The following NBAS variants were observed in gnomAD, a reference collection of about 807,000 sequenced individuals.
NBAS encodes NAG/BC035112 fusion.
A neutral mutation model predicts 302.5 loss-of-function variants in NBAS; 219 were observed. The observed-to-expected ratio is 0.72, with a 90% CI of 0.65 to 0.81. The LOEUF (loss-of-function observed/expected upper bound fraction) is 0.81. NBAS is among the 30% of genes least tolerant of loss of function. The probability of loss-of-function intolerance (pLI) is 0.00; values close to 1 mark genes in which losing one functional copy is unlikely to be tolerated. For synonymous variants in NBAS, 1,118 were observed against 1,021.6 expected, an observed-to-expected ratio of 1.09 and a Z score of -1.80; for missense variants, 2,932 against 2,841.6, an observed-to-expected ratio of 1.03 and a Z score of -0.72.
chr2:15,394,219 T>C lies in NBAS; in HGVS notation c.3257+8A>G. 1 of 1,587,040 alleles carries C rather than the reference T, an allele frequency of 6.3e-7. No homozygotes were observed. The highest frequency in any genetic ancestry group is 8.6e-7 in the Non-Finnish European group (1 of 1,163,984). On this transcript the variant is annotated splice_region_variant and intron_variant, in intron 28 of 51. Transcript: ENST00000281513. ...TTGACCCAAGTATCAATTAATTTTA[T>C]TACTCACTTCCGGCCAGTGTGCCTC... is the stretch of plus-strand genomic sequence containing the variant.
At chr2:14,977,080 G>A in the NBAS span, among the ~76,000 whole-genome samples, 9 of 152,178 alleles carry the variant, frequency 5.9e-5, no homozygotes, top group South Asian at 2.1e-4. Flanking sequence ...TATGCTACCC[G>A]CCAAAATGAA....
chr2:15,459,563 TCTGTCTC>T (rs1192561991), intron 21 of NBAS, among the ~76,000 whole-genome samples: 2 of 145,706 alleles, frequency 1.4e-5, no homozygotes, highest in African/African-American at 5.1e-5. Context: ...CACTGCAAGC[TCTGTCTC>T]CTGGGTTCAC....
chr2:15,309,253 T>C lies in NBAS; in HGVS notation c.4583-6A>G, dbSNP rs756060246. ...ACTTGCTAGTTGCAAGAGAACTGAA[T>C]GCAGAAAAAGAAACATTATTTTACT... On this transcript the variant is annotated splice_polypyrimidine_tract_variant and splice_region_variant and intron_variant, in intron 38 of 51. Transcript: ENST00000281513. 1 of 1,609,050 alleles carries C rather than the reference T, an allele frequency of 6.2e-7. No homozygotes were observed. The highest frequency in any genetic ancestry group is 8.5e-7 in the Non-Finnish European group (1 of 1,176,632).
intron 44 of NBAS, among the ~76,000 whole-genome samples, chr2:15,251,957 C>T (rs1668384511): frequency 6.6e-6 from 1 of 152,176 alleles, no homozygotes; most frequent in Non-Finnish European, 1.5e-5. Flanking sequence ...AAGTAACAGT[C>T]TGTCAGAGAA....
intron 21 of NBAS, among the ~76,000 whole-genome samples, chr2:15,454,575 G>A (rs1369051540): frequency 1.3e-5 from 2 of 152,150 alleles, no homozygotes; most frequent in African/African-American, 4.8e-5. Flanking sequence ...TCATCCTTCT[G>A]CATGTTACAG....
the NBAS span, among the ~76,000 whole-genome samples, chr2:14,846,764 A>G: frequency 2.0e-5 from 3 of 152,176 alleles, no homozygotes; most frequent in Admixed American, 6.5e-5. Context: ...ATAATGGATT[A>G]TAAGATAGTA....
chr2:15,339,205 G>T (rs1485973156), intron 35 of NBAS, among the ~76,000 whole-genome samples: 1 of 151,820 alleles, frequency 6.6e-6, no homozygotes, highest in East Asian at 1.9e-4. Context: ...ATGACTTTGG[G>T]TTCTAGATGA....
the NBAS span, among the ~76,000 whole-genome samples, chr2:15,041,250 A>G: frequency 6.6e-6 from 1 of 152,298 alleles, no homozygotes; most frequent in Non-Finnish European, 1.5e-5. Context: ...AGGCTCAAGG[A>G]CCACCTCAGG....
intron 35 of NBAS, among the ~76,000 whole-genome samples, chr2:15,340,072 T>C (rs748764433): frequency 1.1e-4 from 16 of 152,236 alleles, no homozygotes; most frequent in Non-Finnish European, 1.5e-4. Context: ...TAGATGACTA[T>C]AAAGCCTTAG....
chr2:15,022,765 G>T, the NBAS span, among the ~76,000 whole-genome samples: 1 of 152,000 alleles, frequency 6.6e-6, no homozygotes, highest in Non-Finnish European at 1.5e-5. Context: ...TGCCTGTCCT[G>T]CTTCTATTTG....
At chr2:14,783,656 T>C in the NBAS span, among the ~76,000 whole-genome samples, 51 of 152,000 alleles carry the variant, frequency 3.4e-4, no homozygotes, top group African/African-American at 1.2e-3. Context: ...GAACTCATCG[T>C]TTTTTATGGC....
At chr2:15,286,464 G>A (rs1345952373) in intron 42 of NBAS, among the ~76,000 whole-genome samples, 2 of 152,198 alleles carry the variant, frequency 1.3e-5, no homozygotes, top group East Asian at 3.9e-4. Context: ...TTGCTGTACA[G>A]CCTGGCTCCT....
the NBAS span, among the ~76,000 whole-genome samples, chr2:14,913,288 T>G: frequency 3.3e-5 from 5 of 152,168 alleles, no homozygotes; most frequent in African/African-American, 4.8e-5. Context: ...GGAGAGCTGT[T>G]GGAGTTCAGA....
chr2:15,393,322 C>G (rs1392402249), intron 28 of NBAS, among the ~76,000 whole-genome samples: 1 of 151,790 alleles, frequency 6.6e-6, no homozygotes, highest in Non-Finnish European at 1.5e-5. Flanking sequence ...GGACTTATAT[C>G]TAGAATATAT....
intron 47 of NBAS, among the ~76,000 whole-genome samples, chr2:15,219,948 A>G (rs62121516): frequency 1.4e-5 from 2 of 142,442 alleles, no homozygotes; most frequent in South Asian, 2.4e-4. Context: ...CTGGCCGGGC[A>G]GAGGGCTCCT....
At chr2:15,389,222 C>A (rs1178121468) in intron 28 of NBAS, among the ~76,000 whole-genome samples, 2 of 152,176 alleles carry the variant, frequency 1.3e-5, no homozygotes, top group Non-Finnish European at 2.9e-5. Context: ...CAATACTGAG[C>A]CCTAGTCCAC....
chr2:15,343,303 G>A (rs11893727), intron 35 of NBAS, among the ~76,000 whole-genome samples: 1,889 of 152,228 alleles, frequency 0.012, 36 homozygotes, highest in African/African-American at 0.043. Flanking sequence ...ATATTCTGGA[G>A]TGAAGTGCCA....
At chr2:15,318,037 A>T (rs1028564573) in intron 38 of NBAS, among the ~76,000 whole-genome samples, 37 of 152,378 alleles carry the variant, frequency 2.4e-4, no homozygotes, top group African/African-American at 8.7e-4. Context: ...CCATCAGACT[A>T]ACAGCAGATC....
the NBAS span, among the ~76,000 whole-genome samples, chr2:15,007,559 A>G: frequency 6.6e-6 from 1 of 152,166 alleles, no homozygotes; most frequent in Non-Finnish European, 1.5e-5. Flanking sequence ...TTTACCAGAA[A>G]TCAGTATGTA....
Sources: allele counts gnomAD v4.1 joint callset (sites outside exome capture counted in the v4.1 genomes callset), GRCh38; gene constraint gnomAD v4.1.1; transcripts MANE v1.5; gene names NCBI Gene and HGNC (gene_info 2026-07-23, HGNC 2026-07-21).